Variants in NPRL3 observed in about 807,000 individuals in gnomAD.
The protein encoded by NPRL3 is GATOR1 complex protein NPRL3.
In NPRL3, 23 loss-of-function variants were observed where a neutral mutation model predicts 57.2. The observed-to-expected ratio is 0.40, with a 90% CI of 0.29 to 0.57. NPRL3 has a LOEUF of 0.57. NPRL3 is among the 20% of genes least tolerant of loss of function. NPRL3 has a pLI of 0.42. For synonymous variants in NPRL3, 333 were observed against 321.1 expected (o/e 1.04, Z -0.39); for missense variants, 691 against 767.1 (o/e 0.90, Z 1.17).
chr16:120,515 G>A lies in NPRL3; in HGVS notation c.189-1260C>T, dbSNP rs141706240. Among the ~76,000 whole-genome samples, 305 of 152,276 alleles carry A rather than the reference G, an allele frequency of 2.0e-3. 3 individuals are homozygous for A. Among genetic ancestry groups the A allele is most frequent in the African/African-American group, 7.0e-3 (291 of 41,546 alleles). On this transcript the variant is annotated intron_variant, in intron 3 of 13. Coordinates refer to ENST00000611875, the MANE Select transcript of NPRL3 (RefSeq NM_001077350.3). Reference sequence around the variant, plus strand: ...ATGATTCTTTCCAAGTCTATCATGGGCTGTGGGGCTCAGACTGTTTTCCAG... The same window carrying A: ...ATGATTCTTTCCAAGTCTATCATGGACTGTGGGGCTCAGACTGTTTTCCAG...
At position 88,874 on chromosome 16, in the gene NPRL3, C is replaced by T. The variant is rs1213665281; in HGVS notation, c.1368G>A (p.Met456Ile). 3 of 1,611,340 alleles carry T rather than the reference C, an allele frequency of 1.9e-6. No homozygotes were observed. The highest frequency in any genetic ancestry group is 2.5e-6 in the Non-Finnish European group (3 of 1,177,856). ...SFGSPTSSDD[M>I]TLTSPSMDNS... is the part of the protein sequence containing the mutation. ...TGTCCATGCTGGGGCTGGTGAGGGT[C>T]ATGTCATCGCTGCTGGCTGTGGGGG... Residue 456 changes from methionine to isoleucine, a missense_variant, in exon 13 of 14, where the codon ATG (methionine) becomes ATA (isoleucine). Coordinates refer to ENST00000611875, the MANE Select transcript of NPRL3 (RefSeq NM_001077350.3).
chr16:129,860 C>A (rs955211676), intron 3 of NPRL3, among the ~76,000 whole-genome samples: 40 of 152,270 alleles, frequency 2.6e-4, no homozygotes, highest in East Asian at 1.5e-3. Context: ...GAACCCAGGG[C>A]AGGTAACTCA....
At chr16:126,742 C>A (rs952225838) in intron 3 of NPRL3, among the ~76,000 whole-genome samples, 1 of 152,188 alleles carries the variant, frequency 6.6e-6, no homozygotes, top group African/African-American at 2.4e-5. Context: ...CCAGGGAACA[C>A]TACATCTTTT....
chr16:107,593 T>A (rs2562170), intron 7 of NPRL3, among the ~76,000 whole-genome samples: 7 of 105,080 alleles, frequency 6.7e-5, no homozygotes, highest in Non-Finnish European at 6.4e-5. Flanking sequence ...ATATTCCATC[T>A]CAAAAAAAAA....
chr16:135,310 C>A (rs889962900), intron 2 of NPRL3, among the ~76,000 whole-genome samples: 19 of 152,144 alleles, frequency 1.2e-4, no homozygotes, highest in Non-Finnish European at 2.4e-4. Flanking sequence ...AATATCAGCT[C>A]TTAGGATTAG....
At chr16:93,383 T>C (rs1898847979) in intron 9 of NPRL3, 58 bp from the exon 10 acceptor site, 1 of 1,104,704 alleles carries the variant, frequency 9.1e-7, no homozygotes, top group African/African-American at 1.6e-5. Flanking sequence ...CCGGGAGCTG[T>C]CAGCAGCTCT....
chr16:95,380 CACACAA>C (rs1236546526), intron 9 of NPRL3, among the ~76,000 whole-genome samples: 57 of 110,952 alleles, frequency 5.1e-4, no homozygotes, highest in Admixed American at 1.1e-3. Flanking sequence ...CACACACACA[CACACAA>C]TAAAATGTAT....
chr16:128,971 T>C lies in NPRL3; in HGVS notation c.188+1551A>G, dbSNP rs114763070. 5.0e-3 allele frequency among the ~76,000 whole-genome samples: 764 copies of C among 152,306 alleles called. 9 individuals carry two copies. The highest frequency in any genetic ancestry group is 0.017 in the African/African-American group (707 of 41,558). ...GTGGCACCAGTGAGATTTACAGATA[T>C]ATGATGTGCTAAAATTACTGAATGA... On this transcript the variant is annotated intron_variant, in intron 3 of 13. Coordinates refer to ENST00000611875, the MANE Select transcript of NPRL3 (RefSeq NM_001077350.3).
chr16:96,216 T>C (rs1378958674), intron 9 of NPRL3, among the ~76,000 whole-genome samples: 2 of 151,832 alleles, frequency 1.3e-5, no homozygotes, highest in Non-Finnish European at 2.9e-5. Context: ...GAAGAGGGCA[T>C]CAAAGCTTTG....
chr16:115,187 C>G (rs1483979186), intron 5 of NPRL3, among the ~76,000 whole-genome samples: 1 of 151,824 alleles, frequency 6.6e-6, no homozygotes, highest in Non-Finnish European at 1.5e-5. Context: ...GTTGCCCAGG[C>G]TGGTGTCAAA....
At chr16:134,248 C>CT (rs1287688870) in intron 2 of NPRL3, among the ~76,000 whole-genome samples, 2 of 151,946 alleles carry the variant, frequency 1.3e-5, no homozygotes, top group Non-Finnish European at 2.9e-5. Flanking sequence ...CACACACCCC[C>CT]TCACAGTGTG....
intron 7 of NPRL3, among the ~76,000 whole-genome samples, chr16:103,307 T>A (rs1233267491): frequency 1.6e-5 from 2 of 123,560 alleles, no homozygotes; most frequent in Admixed American, 8.2e-5. Context: ...TTTTTTTTTT[T>A]TTTTTTTTTT....
intron 9 of NPRL3, among the ~76,000 whole-genome samples, chr16:97,748 T>C (rs60381075): frequency 0.078 from 11,863 of 152,122 alleles, 1,366 homozygotes; most frequent in African/African-American, 0.25. Flanking sequence ...GGGCCCCGCA[T>C]CCAAGCTTCC....
chr16:136,415 C>T (rs557998062), intron 2 of NPRL3, among the ~76,000 whole-genome samples: 7 of 152,146 alleles, frequency 4.6e-5, no homozygotes, highest in East Asian at 1.9e-4. Context: ...GCAGGCTGGG[C>T]GCGGTGGCTC....
intron 7 of NPRL3, among the ~76,000 whole-genome samples, chr16:105,386 T>G (rs1340906347): frequency 6.6e-6 from 1 of 152,230 alleles, no homozygotes; most frequent in African/African-American, 2.4e-5. Context: ...TGGGCCTGGC[T>G]TCCTACCATA....
At chr16:105,854 G>A (rs1274141245) in intron 7 of NPRL3, among the ~76,000 whole-genome samples, 1 of 152,158 alleles carries the variant, frequency 6.6e-6, no homozygotes, top group Non-Finnish European at 1.5e-5. Flanking sequence ...TGTCACTGAG[G>A]GCCACTGGGA....
chr16:111,072 G>A (rs182166084), intron 6 of NPRL3, among the ~76,000 whole-genome samples: 91 of 152,116 alleles, frequency 6.0e-4, no homozygotes, highest in Non-Finnish European at 1.1e-3. Context: ...ATTATAATTA[G>A]TATATAATTG....
chr16:124,667 C>A (rs544853083), intron 3 of NPRL3, among the ~76,000 whole-genome samples: 1 of 152,392 alleles, frequency 6.6e-6, no homozygotes, highest in South Asian at 2.1e-4. Context: ...GCACACCTGA[C>A]TTCCCTAAGC....
At chr16:126,947 G>A (rs1238971405) in intron 3 of NPRL3, 1 of 152,192 alleles carries the variant, frequency 6.6e-6, no homozygotes, top group African/African-American at 2.4e-5. Context: ...CTTGGCTTGT[G>A]GCAATCTCTG....
Sources: allele counts gnomAD v4.1 joint callset (sites outside exome capture counted in the v4.1 genomes callset), GRCh38; gene constraint gnomAD v4.1.1; transcripts MANE v1.5; gene names NCBI Gene and HGNC (gene_info 2026-07-23, HGNC 2026-07-21).